Variants in CMIP observed in about 807,000 individuals in gnomAD.
The protein encoded by CMIP is c-Maf inducing protein.
CMIP carries 13 observed loss-of-function variants against 97.3 expected under a neutral mutation model. The observed-to-expected ratio is 0.13, with a 90% CI of 0.09 to 0.21. CMIP has a LOEUF of 0.21. CMIP is among the 10% of genes least tolerant of loss of function. The pLI, the probability that CMIP is intolerant of heterozygous loss-of-function variation, is 1.00. For synonymous variants in CMIP, 538 were observed against 436.3 expected, an observed-to-expected ratio of 1.23 and a Z score of -2.91; for missense variants, 847 against 1,024.9, an observed-to-expected ratio of 0.83 and a Z score of 2.37.
intron 1 of CMIP, among the ~76,000 whole-genome samples, chr16:81,581,764 G>A (rs12443555): frequency 0.03 from 4,574 of 152,236 alleles, 152 homozygotes; most frequent in East Asian, 0.1. Flanking sequence ...ACTTCCTCAC[G>A]CAGACAGCTC....
chr16:81,506,128 C>T (rs1158926483), intron 1 of CMIP, among the ~76,000 whole-genome samples: 1 of 152,214 alleles, frequency 6.6e-6, no homozygotes, highest in Non-Finnish European at 1.5e-5. Flanking sequence ...AGGTGGGACC[C>T]CTCTTAGCCT....
chr16:81,570,025 A>T (rs532484067), intron 1 of CMIP, among the ~76,000 whole-genome samples: 1 of 152,134 alleles, frequency 6.6e-6, no homozygotes, highest in African/African-American at 2.4e-5. Context: ...GTCAAAGCCA[A>T]CTGTCCACCA....
chr16:81,482,804 C>T (rs566822814), intron 1 of CMIP, among the ~76,000 whole-genome samples: 13 of 152,358 alleles, frequency 8.5e-5, no homozygotes, highest in Admixed American at 5.2e-4. Context: ...AAGCTGAGCC[C>T]GTTCCCAACT....
At chr16:81,492,721 G>C (rs2089424655) in intron 1 of CMIP, among the ~76,000 whole-genome samples, 2 of 152,272 alleles carry the variant, frequency 1.3e-5, no homozygotes, top group South Asian at 2.1e-4. Context: ...AAAGACAAAG[G>C]CTGGCAAAAA....
intron 1 of CMIP, among the ~76,000 whole-genome samples, chr16:81,483,605 C>T (rs1287995870): frequency 6.7e-6 from 1 of 149,390 alleles, no homozygotes; most frequent in Non-Finnish European, 1.5e-5. Flanking sequence ...CTCTTCCTCT[C>T]CCTCTCCCTG....
chr16:81,643,056 C>G (rs1441636208), intron 3 of CMIP, among the ~76,000 whole-genome samples: 1 of 152,220 alleles, frequency 6.6e-6, no homozygotes, highest in Non-Finnish European at 1.5e-5. Flanking sequence ...GTGGAAGACA[C>G]ATGTTAACCC....
chr16:81,515,777 T>C (rs1273711562), intron 1 of CMIP, among the ~76,000 whole-genome samples: 2 of 152,206 alleles, frequency 1.3e-5, no homozygotes, highest in Non-Finnish European at 2.9e-5. Context: ...AGCCAATCTC[T>C]GTAGGTTCTT....
intron 3 of CMIP, among the ~76,000 whole-genome samples, chr16:81,623,295 C>T (rs2092017233): frequency 6.6e-6 from 1 of 152,232 alleles, no homozygotes; most frequent in Non-Finnish European, 1.5e-5. Flanking sequence ...TAGCAGCTCT[C>T]ATGAAGACCT....
At chr16:81,473,881 A>G (rs1351085971) in intron 1 of CMIP, among the ~76,000 whole-genome samples, 1 of 149,192 alleles carries the variant, frequency 6.7e-6, no homozygotes, top group Non-Finnish European at 1.5e-5. Flanking sequence ...GCATTCCCCT[A>G]AAAAGTTCCG....
intron 1 of CMIP, among the ~76,000 whole-genome samples, chr16:81,500,114 C>G (rs1177450116): frequency 6.6e-6 from 1 of 152,038 alleles, no homozygotes; most frequent in Non-Finnish European, 1.5e-5. Context: ...CACTCTGTGT[C>G]CTGCCAGCCC....
intron 1 of CMIP, among the ~76,000 whole-genome samples, chr16:81,588,758 G>T (rs2091422188): frequency 6.6e-6 from 1 of 152,084 alleles, no homozygotes; most frequent in Admixed American, 6.5e-5. Flanking sequence ...TTTAGTCGTG[G>T]GGCACAGCAG....
At chr16:81,497,685 C>T (rs917684987) in intron 1 of CMIP, among the ~76,000 whole-genome samples, 1 of 152,232 alleles carries the variant, frequency 6.6e-6, no homozygotes, top group Non-Finnish European at 1.5e-5. Context: ...CCACAGGACT[C>T]GCATAGAGTG....
chr16:81,595,034 GTCTCTCTC>G (rs60887695), intron 1 of CMIP, among the ~76,000 whole-genome samples: 3 of 145,716 alleles, frequency 2.1e-5, no homozygotes, highest in Admixed American at 6.9e-5. Context: ...ATATCATGTG[GTCTCTCTC>G]TCTCTCTCTC....
At chr16:81,476,895 C>T (rs996556812) in intron 1 of CMIP, among the ~76,000 whole-genome samples, 4 of 152,120 alleles carry the variant, frequency 2.6e-5, no homozygotes, top group Non-Finnish European at 4.4e-5. Flanking sequence ...GCTTCTCAGG[C>T]TCCCTAAGGA....
chr16:81,592,695 C>T (rs2091484639), intron 1 of CMIP, among the ~76,000 whole-genome samples: 2 of 152,226 alleles, frequency 1.3e-5, no homozygotes, highest in Non-Finnish European at 2.9e-5. Context: ...GTGACCGAGG[C>T]CCACTGCTTG....
At position 81,655,474 on chromosome 16, in the gene CMIP, C is replaced by T. The variant is rs1597204112; in HGVS notation, c.640-2301C>T. 6.6e-6 allele frequency among the ~76,000 whole-genome samples: 1 copy of T among 152,172 alleles called. No individual in the cohort carries two copies. The highest frequency in any genetic ancestry group is 1.5e-5 in the Non-Finnish European group (1 of 68,038). On this transcript the variant is annotated intron_variant, in intron 4 of 20. Transcript: ENST00000537098. This position sits in a 1 kb window ranked among gnomAD's most constrained non-coding sequence, Gnocchi z 4.9. ...TTGCGTGTAAAGTGGCCGCTTAGCT[C>T]GAGAGTCAGGTGTTCCCTCTAATGC... is the stretch of plus-strand genomic sequence containing the variant.
At chr16:81,454,937 G>A (rs1355168737) in intron 1 of CMIP, among the ~76,000 whole-genome samples, 1 of 152,212 alleles carries the variant, frequency 6.6e-6, no homozygotes, top group Non-Finnish European at 1.5e-5. Context: ...GGAACAGTGA[G>A]CAAAGGGACA....
intron 1 of CMIP, among the ~76,000 whole-genome samples, chr16:81,584,295 G>A (rs138170035): frequency 2.0e-5 from 3 of 152,288 alleles, no homozygotes; most frequent in Admixed American, 6.5e-5. Context: ...CAATGTGTCC[G>A]TAACACCTAG....
chr16:81,551,441 G>A (rs1021999615), intron 1 of CMIP, among the ~76,000 whole-genome samples: 1 of 152,206 alleles, frequency 6.6e-6, no homozygotes, highest in African/African-American at 2.4e-5. Flanking sequence ...CACAGACATG[G>A]CACATGGGAC....
Sources: allele counts gnomAD v4.1 joint callset (sites outside exome capture counted in the v4.1 genomes callset), GRCh38; gene constraint gnomAD v4.1.1; non-coding constraint Gnocchi (gnomAD v3.1); transcripts MANE v1.5; gene names NCBI Gene and HGNC (gene_info 2026-07-23, HGNC 2026-07-21).